PREX1: variants seen among roughly 807,000 people sequenced by gnomAD.
PREX1 encodes phosphatidylinositol-3,4,5-trisphosphate dependent Rac exchange factor 1, also known as phosphatidylinositol 3,4,5-trisphosphate-dependent Rac exchanger 1 protein.
A neutral mutation model predicts 198.3 loss-of-function variants in PREX1; 41 were observed. That is an observed-to-expected ratio of 0.21 (90% CI 0.16 to 0.27). PREX1 has a LOEUF of 0.27. Among genes scored for constraint, PREX1 ranks in the 10% least tolerant of loss-of-function variants. The pLI is 1.00. For synonymous variants in PREX1, 843 were observed against 887.2 expected (o/e 0.95, Z 0.89); for missense variants, 1,620 against 2,200.7 (o/e 0.74, Z 5.28).
chr20:48,731,417 AC>A (rs1316474710), intron 4 of PREX1, among the ~76,000 whole-genome samples: 1 of 152,152 alleles, frequency 6.6e-6, no homozygotes, highest in East Asian at 1.9e-4. Context: ...TAGAATGGCC[AC>A]TCTATGAGAA....
chr20:48,754,455 A>T (rs932535566), intron 1 of PREX1, among the ~76,000 whole-genome samples: 7 of 151,994 alleles, frequency 4.6e-5, no homozygotes, highest in African/African-American at 1.7e-4. Flanking sequence ...GCCCCTGGGG[A>T]GCTGCCATCT....
chr20:48,768,168 T>C (rs1234102800), intron 1 of PREX1, among the ~76,000 whole-genome samples: 4 of 152,190 alleles, frequency 2.6e-5, no homozygotes, highest in Non-Finnish European at 5.9e-5. Flanking sequence ...TAAAAGCCTC[T>C]ATCTCTCAGT....
intron 1 of PREX1, among the ~76,000 whole-genome samples, chr20:48,802,502 G>A (rs376869997): frequency 6.6e-6 from 1 of 152,114 alleles, no homozygotes; most frequent in African/African-American, 2.4e-5. Context: ...CAGCTCAAAG[G>A]CCACCTCATC....
chr20:48,710,959 G>A (rs539658697), intron 5 of PREX1, among the ~76,000 whole-genome samples: 3 of 152,246 alleles, frequency 2.0e-5, no homozygotes, highest in Non-Finnish European at 4.4e-5. Flanking sequence ...AGGCCGCAGT[G>A]GGGTGTTTGG....
the PREX1 span, among the ~76,000 whole-genome samples, chr20:48,874,615 A>G: frequency 6.6e-6 from 1 of 152,138 alleles, no homozygotes; most frequent in East Asian, 1.9e-4. Flanking sequence ...GGTGGCTCCC[A>G]CCTGTAATCC....
Position 48,734,473 on chromosome 20 carries a change from G to A in PREX1, c.519+73C>T. On this transcript the variant is annotated intron_variant, in intron 4 of 39. Coordinates refer to ENST00000371941, the MANE Select transcript of PREX1 (RefSeq NM_020820.4). The stretch of plus-strand genomic sequence containing the variant: ...ATTTGGCACCATGGGGCAGCATGAA[G>A]TCCTCTTGTGCCCAGATTCCACAAG... 3.9e-6 allele frequency: 5 copies of A among 1,293,856 alleles called. No homozygotes were observed. The South Asian group carries it at 6.0e-5, about 16-fold the overall frequency. 80.1% of individuals were successfully genotyped at this position (1,293,856 alleles called of 1,614,324 possible).
the PREX1 span, among the ~76,000 whole-genome samples, chr20:48,869,804 T>G: frequency 7.9e-5 from 12 of 152,226 alleles, no homozygotes; most frequent in African/African-American, 2.4e-4. Flanking sequence ...CAAGAACACA[T>G]GGATACAGGA....
rs117843091 is a variant in PREX1 at position 48,741,881 on chromosome 20, G to A, written c.414+3144C>T. Among the ~76,000 whole-genome samples, 259 of 152,312 alleles carry A rather than the reference G, an allele frequency of 1.7e-3. 1 individual carries two copies. The highest frequency in any genetic ancestry group is 3.0e-3 in the Non-Finnish European group (204 of 68,026). ...TGGGCTTGCCATGTTCTGGAACAGC[G>A]AGGAGATCCGTGTGGCTAGAGCCAG... On this transcript the variant is annotated intron_variant, in intron 3 of 39. Transcript: ENST00000371941.
At chr20:48,856,000 G>A in the PREX1 span, among the ~76,000 whole-genome samples, 6 of 152,202 alleles carry the variant, frequency 3.9e-5, no homozygotes, top group East Asian at 1.9e-4. Context: ...GGAGAGTGAC[G>A]AGGGAGCGGC....
intron 39 of PREX1, among the ~76,000 whole-genome samples, chr20:48,627,057 G>A (rs1022320842): frequency 2.0e-5 from 3 of 152,220 alleles, no homozygotes; most frequent in South Asian, 4.1e-4. Flanking sequence ...ATCAGGCATC[G>A]CAGGCCTGGG....
the PREX1 span, among the ~76,000 whole-genome samples, chr20:48,866,044 G>A: frequency 4.0e-5 from 6 of 151,658 alleles, no homozygotes; most frequent in Admixed American, 1.3e-4. Context: ...AACTTCCTCG[G>A]CTCAAGCAAT....
intron 1 of PREX1, among the ~76,000 whole-genome samples, chr20:48,820,339 T>C (rs1461209954): frequency 2.0e-5 from 3 of 152,064 alleles, no homozygotes; most frequent in African/African-American, 7.2e-5. Context: ...TCATCCCCAT[T>C]TTGCAGATGG....
intron 14 of PREX1, among the ~76,000 whole-genome samples, chr20:48,667,265 C>T (rs904617769): frequency 3.3e-5 from 5 of 152,228 alleles, no homozygotes; most frequent in African/African-American, 1.2e-4. Flanking sequence ...GGACTTCTCT[C>T]ATGCTACAGA....
chr20:48,735,009 G>A (rs1439279939), intron 3 of PREX1, among the ~76,000 whole-genome samples: 2 of 151,992 alleles, frequency 1.3e-5, no homozygotes, highest in African/African-American at 2.4e-5. Flanking sequence ...CTGTAAGGTA[G>A]AGTTAATAAA....
At chr20:48,833,693 C>T in the PREX1 span, among the ~76,000 whole-genome samples, 15,233 of 152,144 alleles carry the variant, frequency 0.1, 964 homozygotes, top group Middle Eastern at 0.2. Context: ...CCATCCGCCT[C>T]GACCTCCCAA....
chr20:48,855,222 T>C, the PREX1 span, among the ~76,000 whole-genome samples: 7 of 152,330 alleles, frequency 4.6e-5, no homozygotes, highest in South Asian at 4.1e-4. Context: ...CCAATACATC[T>C]TGCCTTTTCT....
At chr20:48,744,967 G>A (rs2090100939) in intron 3 of PREX1, 58 bp downstream of exon 3, 2 of 1,594,374 alleles carry the variant, frequency 1.3e-6, no homozygotes, top group African/African-American at 1.3e-5. Context: ...CAGGGACCCA[G>A]GGAGAAGCCC....
the PREX1 span, among the ~76,000 whole-genome samples, chr20:48,842,803 C>A: frequency 8.6e-5 from 13 of 151,626 alleles, no homozygotes; most frequent in African/African-American, 3.2e-4. Flanking sequence ...TTCTTGGGGG[C>A]CCCAGTTTTT....
chr20:48,732,325 C>A (rs1352368741), intron 4 of PREX1, among the ~76,000 whole-genome samples: 1 of 151,650 alleles, frequency 6.6e-6, no homozygotes, highest in African/African-American at 2.4e-5. Context: ...CATTTGGAAT[C>A]GAAATTCTGG....
Sources: allele counts gnomAD v4.1 joint callset (sites outside exome capture counted in the v4.1 genomes callset), GRCh38; gene constraint gnomAD v4.1.1; transcripts MANE v1.5; gene names NCBI Gene and HGNC (gene_info 2026-07-23, HGNC 2026-07-21).